STK32B: variants seen among roughly 807,000 people sequenced by gnomAD.
The protein encoded by STK32B is serine/threonine kinase 32B.
Under a neutral mutation model 52.6 loss-of-function variants are expected in STK32B, and 43 were observed. The ratio of observed to expected loss-of-function variants is 0.82; its 90% CI spans 0.64 to 1.05. STK32B has a LOEUF of 1.05. Ranked by LOEUF, STK32B falls within the 50% of genes least tolerant of loss-of-function variation. The pLI, the probability that STK32B is intolerant of heterozygous loss-of-function variation, is 0.00. For synonymous variants in STK32B, 238 were observed against 204.3 expected, an observed-to-expected ratio of 1.17 and a Z score of -1.41; for missense variants, 621 against 534.6, an observed-to-expected ratio of 1.16 and a Z score of -1.59.
At chr4:5,492,333 T>C (rs1719807064) in intron 11 of STK32B, among the ~76,000 whole-genome samples, 1 of 152,174 alleles carries the variant, frequency 6.6e-6, no homozygotes, top group Admixed American at 6.5e-5. Flanking sequence ...TTTATTCTCT[T>C]TGAAGCAATT....
intron 11 of STK32B, among the ~76,000 whole-genome samples, chr4:5,498,443 C>A (rs1350065936): frequency 6.6e-6 from 1 of 152,156 alleles, no homozygotes; most frequent in Non-Finnish European, 1.5e-5. Flanking sequence ...GTGCCTGTCT[C>A]CCCTTTTGTC....
chr4:5,212,033 A>G (rs1334151764), intron 3 of STK32B, among the ~76,000 whole-genome samples: 1 of 152,220 alleles, frequency 6.6e-6, no homozygotes, highest in East Asian at 1.9e-4. Context: ...CGTGCAGCAA[A>G]TAATTGTTTA....
intron 3 of STK32B, among the ~76,000 whole-genome samples, chr4:5,271,693 G>C (rs571721517): frequency 2.0e-5 from 3 of 146,732 alleles, no homozygotes; most frequent in South Asian, 4.3e-4. Context: ...GCAGTGGTTT[G>C]TAGTTCTCCT....
chr4:5,260,043 C>G (rs1208648448), intron 3 of STK32B, among the ~76,000 whole-genome samples: 2 of 151,744 alleles, frequency 1.3e-5, no homozygotes, highest in Admixed American at 6.6e-5. Flanking sequence ...ATGACTTATC[C>G]TCCAATGTGG....
At chr4:5,122,907 G>C (rs998555156) in intron 1 of STK32B, among the ~76,000 whole-genome samples, 4 of 152,022 alleles carry the variant, frequency 2.6e-5, no homozygotes, top group African/African-American at 9.7e-5. Flanking sequence ...ACCTACTTCA[G>C]CTGTTGGTGC....
At chr4:5,494,568 C>A (rs1222179545) in intron 11 of STK32B, among the ~76,000 whole-genome samples, 1 of 152,078 alleles carries the variant, frequency 6.6e-6, no homozygotes, top group Non-Finnish European at 1.5e-5. Context: ...GCATTTAGCC[C>A]ATTTACATTT....
intron 3 of STK32B, among the ~76,000 whole-genome samples, chr4:5,298,124 A>T (rs1729322394): frequency 6.6e-6 from 1 of 152,188 alleles, no homozygotes; most frequent in Non-Finnish European, 1.5e-5. Flanking sequence ...CCTGCAGAAC[A>T]GCAAAGATTG....
intron 11 of STK32B, among the ~76,000 whole-genome samples, chr4:5,472,645 T>C (rs889110320): frequency 6.6e-6 from 1 of 152,190 alleles, no homozygotes; most frequent in Admixed American, 6.5e-5. Context: ...GAGGAAGGAA[T>C]TTAAGGGGCA....
At chr4:5,216,760 T>A (rs1723206517) in intron 3 of STK32B, among the ~76,000 whole-genome samples, 1 of 152,172 alleles carries the variant, frequency 6.6e-6, no homozygotes, top group South Asian at 2.1e-4. Flanking sequence ...GGGTTTGTAC[T>A]TCCAGGTTAA....
chr4:5,084,892 T>A (rs1560143270), intron 1 of STK32B, among the ~76,000 whole-genome samples: 1 of 152,218 alleles, frequency 6.6e-6, no homozygotes, highest in Non-Finnish European at 1.5e-5. Flanking sequence ...ATCTGTAGGT[T>A]GAACAACAAC....
At chr4:5,391,583 A>T (rs982975724) in intron 4 of STK32B, among the ~76,000 whole-genome samples, 4 of 152,186 alleles carry the variant, frequency 2.6e-5, no homozygotes, top group African/African-American at 9.7e-5. Flanking sequence ...ATCCAGAGAT[A>T]AGGCCAGGGA....
At chr4:5,156,889 T>A (rs927714980) in intron 2 of STK32B, among the ~76,000 whole-genome samples, 1 of 152,152 alleles carries the variant, frequency 6.6e-6, no homozygotes, top group African/African-American at 2.4e-5. Flanking sequence ...TATGCAATGA[T>A]GATCATTTCC....
intron 3 of STK32B, among the ~76,000 whole-genome samples, chr4:5,257,571 G>A (rs1726411565): frequency 6.6e-6 from 1 of 152,176 alleles, no homozygotes; most frequent in Admixed American, 6.5e-5. Context: ...GCTCACAGCA[G>A]CTAAGGAGAC....
chr4:5,165,047 C>A (rs1718765080), intron 2 of STK32B, among the ~76,000 whole-genome samples: 1 of 152,198 alleles, frequency 6.6e-6, no homozygotes, highest in South Asian at 2.1e-4. Flanking sequence ...TTCCTGACTC[C>A]TGGTGTAGCT....
At chr4:5,050,111 C>G (rs529385838), upstream of STK32B, among the ~76,000 whole-genome samples, 16 of 152,336 alleles carry the variant, frequency 1.1e-4, no homozygotes, top group East Asian at 3.1e-3. Flanking sequence ...GGGGCCAGCT[C>G]TGTGTTCAGG....
chr4:5,134,023 T>C (rs1715924028), intron 1 of STK32B, among the ~76,000 whole-genome samples: 1 of 152,104 alleles, frequency 6.6e-6, no homozygotes, highest in African/African-American at 2.4e-5. Flanking sequence ...GGCCTGACTC[T>C]CTCCCCATCA....
intron 11 of STK32B, among the ~76,000 whole-genome samples, chr4:5,495,442 C>T (rs1301907522): frequency 6.6e-6 from 1 of 152,120 alleles, no homozygotes. Flanking sequence ...CCTTTAAGCA[C>T]TTCTCTCTAT....
At chr4:5,363,171 G>T (rs908458364) in intron 4 of STK32B, among the ~76,000 whole-genome samples, 18 of 152,046 alleles carry the variant, frequency 1.2e-4, no homozygotes, top group Admixed American at 1.2e-3. Context: ...ATGTTTAAAG[G>T]GTGAGCATAG....
At chr4:5,208,132 G>A (rs56383414) in intron 3 of STK32B, among the ~76,000 whole-genome samples, 1 of 152,064 alleles carries the variant, frequency 6.6e-6, no homozygotes, top group Non-Finnish European at 1.5e-5. Context: ...CTGCTCACCA[G>A]GTGATTCAGG....
Sources: allele counts gnomAD v4.1 joint callset (sites outside exome capture counted in the v4.1 genomes callset), GRCh38; gene constraint gnomAD v4.1.1; transcripts MANE v1.5; gene names NCBI Gene and HGNC (gene_info 2026-07-23, HGNC 2026-07-21).